Variants in ZHX3 observed in about 807,000 individuals in gnomAD.
ZHX3 encodes the protein zinc fingers and homeoboxes protein 3.
Under a neutral mutation model 64.5 loss-of-function variants are expected in ZHX3, and 20 were observed. The observed-to-expected ratio is 0.31, with a 90% confidence interval of 0.22 to 0.45. The LOEUF (loss-of-function observed/expected upper bound fraction) is 0.45. Ranked by LOEUF, ZHX3 falls within the 20% of genes least tolerant of loss-of-function variation. The pLI, the probability that ZHX3 is intolerant of heterozygous loss-of-function variation, is 1.00. For synonymous variants in ZHX3, 423 were observed against 461.6 expected (o/e 0.92, Z 1.07); for missense variants, 1,041 against 1,195.8 (o/e 0.87, Z 1.91).
At chr20:41,207,832 A>G (rs1469965774) in intron 2 of ZHX3, among the ~76,000 whole-genome samples, 1 of 152,218 alleles carries the variant, frequency 6.6e-6, no homozygotes, top group Admixed American at 6.5e-5. Context: ...GAAGGCAAGA[A>G]ATAACTAAGA....
intron 1 of ZHX3, among the ~76,000 whole-genome samples, chr20:41,302,468 C>T (rs1332564377): frequency 2.0e-5 from 3 of 152,196 alleles, no homozygotes; most frequent in African/African-American, 4.8e-5. Context: ...TGGCCCTTCC[C>T]GAACTCTGCC....
At chr20:41,279,123 T>C (rs1188808081) in intron 1 of ZHX3, among the ~76,000 whole-genome samples, 5 of 152,212 alleles carry the variant, frequency 3.3e-5, no homozygotes, top group Admixed American at 2.6e-4. Flanking sequence ...TCTTCACCCA[T>C]GATTACTTCC....
rs1206135646 is a variant in ZHX3 at position 41,204,165 on chromosome 20, T to C, written c.752A>G (p.His251Arg). Residue 251 changes from histidine to arginine, a missense_variant, in exon 3 of 4, where the codon CAT becomes CGT. Coordinates refer to ENST00000683867, the MANE Select transcript of ZHX3 (RefSeq NM_001384317.1). This position sits in a 1 kb window ranked among gnomAD's most constrained non-coding sequence, Gnocchi z 6.6. Reference protein sequence around the residue: ...QASASSAKNPHAANGPLIGTV... With the variant: ...QASASSAKNPRAANGPLIGTV... ...TCCTATCAGGGGCCCGTTGGCGGCA[T>C]GGGGGTTTTTTGCAGAGCTGGCAGA... The C allele has an allele frequency of 3.1e-6, 5 of 1,608,802 alleles. No homozygotes were observed. Among genetic ancestry groups the C allele is most frequent in the Admixed American group, 1.7e-5 (1 of 59,558 alleles).
In ZHX3 at chr20:41,201,446, AAAT is replaced by A; in HGVS notation, c.2860+608_2860+610del. 3 of 1,202,162 alleles carry A rather than the reference AAAT, an allele frequency of 2.5e-6. No individual in the cohort carries two copies. Among genetic ancestry groups the A allele is most frequent in the Non-Finnish European group, 3.3e-6 (3 of 899,364 alleles). The allele number at this position is 1,202,162 out of a possible 1,614,324, so 74.5% of individuals were successfully genotyped here. ...GGCTTCAAAACTATGTCTTAAATAA[AAAT>A]AATCTTCTATGATACATTTTGCTTT... On this transcript the variant is annotated intron_variant, in intron 3 of 3. Transcript: ENST00000683867. This position sits in a 1 kb window ranked among gnomAD's most constrained non-coding sequence, Gnocchi z 5.0.
At position 41,203,435 on chromosome 20, in the gene ZHX3, A is replaced by T; in HGVS notation, c.1482T>A (p.Ala494=). 6.2e-7 allele frequency: 1 copy of T among 1,614,208 alleles called. No homozygotes were observed. Among genetic ancestry groups the T allele is most frequent in the Non-Finnish European group, 8.5e-7 (1 of 1,180,028 alleles). The change falls in exon 3 of 4, where the codon GCT becomes GCA. Residue 494 remains alanine, a synonymous_variant. Coordinates refer to ENST00000683867, the MANE Select transcript of ZHX3 (RefSeq NM_001384317.1). The surrounding 1 kb of genome is among the most constrained non-coding windows in gnomAD (Gnocchi z 7.1). ...GAGATTTCTTATTTTTGTAGATGCTAGCATCAAGGAAGGCTTGGGAGGTTA... is the reference window on the plus strand; with the variant it reads ...GAGATTTCTTATTTTTGTAGATGCTTGCATCAAGGAAGGCTTGGGAGGTTA... ...PSITSQAFLD[A]SIYKNKKSHE...
intron 1 of ZHX3, among the ~76,000 whole-genome samples, chr20:41,296,764 G>A (rs192878159): frequency 4.6e-5 from 7 of 152,294 alleles, no homozygotes; most frequent in East Asian, 1.9e-4. Flanking sequence ...GAAAGAGATC[G>A]GGGGAGGAAG....
At chr20:41,297,203 G>A (rs534676966) in intron 1 of ZHX3, among the ~76,000 whole-genome samples, 2 of 152,320 alleles carry the variant, frequency 1.3e-5, no homozygotes, top group South Asian at 2.1e-4. Flanking sequence ...CATGCAGGCA[G>A]GATCTGATAA....
intron 1 of ZHX3, among the ~76,000 whole-genome samples, chr20:41,309,193 C>G (rs2045060884): frequency 6.6e-6 from 1 of 152,198 alleles, no homozygotes; most frequent in African/African-American, 2.4e-5. Context: ...ATAGAGCATT[C>G]TTAGTTCACT....
chr20:41,255,150 G>GAC (rs1252087532), intron 2 of ZHX3, among the ~76,000 whole-genome samples: 1 of 151,400 alleles, frequency 6.6e-6, no homozygotes, highest in Non-Finnish European at 1.5e-5. Context: ...TTGAAAAAAT[G>GAC]ATATATATAT....
rs548244188 is a variant in ZHX3 at position 41,260,438 on chromosome 20, A to T, written c.-151+8552T>A. On this transcript the variant is annotated intron_variant, in intron 2 of 3. Transcript: ENST00000683867. The stretch of plus-strand genomic sequence containing the variant: ...CATCACTTGAACAATGCCATGGGGT[A>T]GATGAGGTCACATAGTGGACACTTG... Among the ~76,000 whole-genome samples, 7 of 152,346 alleles carry T rather than the reference A, an allele frequency of 4.6e-5. No homozygotes were observed. The East Asian group carries it at 9.6e-4, about 21-fold the overall frequency.
chr20:41,313,161 A>G (rs2045191189), intron 1 of ZHX3, among the ~76,000 whole-genome samples: 1 of 152,242 alleles, frequency 6.6e-6, no homozygotes, highest in Non-Finnish European at 1.5e-5. Flanking sequence ...GTACTAACTA[A>G]CAGTGAGACG....
chr20:41,192,001 G>A (rs1442127222), intron 3 of ZHX3, among the ~76,000 whole-genome samples: 1 of 152,192 alleles, frequency 6.6e-6, no homozygotes, highest in Non-Finnish European at 1.5e-5. Flanking sequence ...TCAGATGTCA[G>A]TAGTGGCAGC....
chr20:41,256,765 C>T (rs1193790543), intron 2 of ZHX3, among the ~76,000 whole-genome samples: 1 of 151,622 alleles, frequency 6.6e-6, no homozygotes, highest in African/African-American at 2.4e-5. Context: ...ATGCAGACTT[C>T]CCGTCTGCTG....
intron 1 of ZHX3, among the ~76,000 whole-genome samples, chr20:41,291,912 G>A (rs908972775): frequency 1.3e-5 from 2 of 150,296 alleles, no homozygotes; most frequent in African/African-American, 2.4e-5. Context: ...GCAAGGTGGC[G>A]TGCACCTGTA....
intron 3 of ZHX3, among the ~76,000 whole-genome samples, chr20:41,187,154 A>G (rs1203809856): frequency 6.6e-6 from 1 of 151,826 alleles, no homozygotes; most frequent in African/African-American, 2.4e-5. Context: ...TCCTGTCTAC[A>G]CACACACCCA....
intron 1 of ZHX3, among the ~76,000 whole-genome samples, chr20:41,302,053 CAAAAAAAAAAAAAA>C (rs555883542): frequency 0.41 from 26,174 of 63,358 alleles, 3,255 homozygotes; most frequent in South Asian, 0.51. Context: ...GACTCCATCT[CAAAAAAAAAAAAAA>C]AAAAAAAAAA....
chr20:41,290,194 C>T (rs2044158251), intron 1 of ZHX3: 1 of 152,142 alleles, frequency 6.6e-6, no homozygotes, highest in Non-Finnish European at 1.5e-5. Context: ...TGATTATGTG[C>T]CAGGTACTAT....
At position 41,202,885 on chromosome 20, in the gene ZHX3, TCTC is replaced by T. The variant is rs2038362057; in HGVS notation, c.2029_2031del (p.Glu677del). ...GCCTCCTCTTCCTCCTGAGAGGCAT[TCTC>T]CTCAGCCTTCTTGGTCTCCTCAGCA... is the stretch of plus-strand genomic sequence containing the variant. On this transcript the variant is annotated inframe_deletion, in exon 3 of 4. Coordinates refer to ENST00000683867, the MANE Select transcript of ZHX3 (RefSeq NM_001384317.1). This position sits in a 1 kb window ranked among gnomAD's most constrained non-coding sequence, Gnocchi z 7.0. The T allele has an allele frequency of 1.2e-6, 2 of 1,614,024 alleles. No homozygotes were observed. The highest frequency in any genetic ancestry group is 1.3e-5 in the African/African-American group (1 of 74,910).
At chr20:41,292,298 A>T (rs993515939) in intron 1 of ZHX3, among the ~76,000 whole-genome samples, 1 of 152,214 alleles carries the variant, frequency 6.6e-6, no homozygotes, top group African/African-American at 2.4e-5. Context: ...TGAACATATT[A>T]ATCAACAGTA....
Sources: allele counts gnomAD v4.1 joint callset (sites outside exome capture counted in the v4.1 genomes callset), GRCh38; gene constraint gnomAD v4.1.1; non-coding constraint Gnocchi (gnomAD v3.1); transcripts MANE v1.5; gene names NCBI Gene and HGNC (gene_info 2026-07-23, HGNC 2026-07-21).